The following PRKAR1B variants were observed in gnomAD, a reference collection of about 807,000 sequenced individuals.
The protein encoded by PRKAR1B is cAMP-dependent protein kinase type I-beta regulatory subunit.
PRKAR1B carries 22 observed loss-of-function variants against 46.5 expected under a neutral mutation model. That is an observed-to-expected ratio of 0.47 (90% CI 0.34 to 0.68). The LOEUF (loss-of-function observed/expected upper bound fraction) is 0.68, where lower values mean the gene tolerates loss of function less well. PRKAR1B is among the 30% of genes least tolerant of loss of function. The probability of loss-of-function intolerance (pLI) is 0.01; values close to 1 mark genes in which losing one functional copy is unlikely to be tolerated. For missense variants in PRKAR1B, 445 were observed against 535.6 expected (o/e 0.83, Z 1.67); for synonymous variants, 259 against 217.7 (o/e 1.19, Z -1.67).
At chr7:649,923 C>T (rs115036184) in intron 4 of PRKAR1B, among the ~76,000 whole-genome samples, 185 of 149,508 alleles carry the variant, frequency 1.2e-3, no homozygotes, top group Middle Eastern at 7.2e-3. Flanking sequence ...GCTATGTTCA[C>T]GTGATCCTCC....
intron 2 of PRKAR1B, chr7:691,672 C>T (rs1258269152): frequency 2.3e-6 from 3 of 1,292,258 alleles, no homozygotes; most frequent in African/African-American, 3.0e-5. Flanking sequence ...TGTTGGAAAC[C>T]CAGTGCTGTG....
At position 672,773 on chromosome 7, in the gene PRKAR1B, C is replaced by T. The variant is rs559598052; in HGVS notation, c.440+4456G>A. On this transcript the variant is annotated intron_variant, in intron 4 of 10. Coordinates refer to ENST00000537384, the MANE Select transcript of PRKAR1B (RefSeq NM_001164760.2). ...ATCCCAGCTACTTGGAAGGCTGAGGCAGGGGAATCGCTTGAACCCGGAGGC... is the reference window on the plus strand; with the variant it reads ...ATCCCAGCTACTTGGAAGGCTGAGGTAGGGGAATCGCTTGAACCCGGAGGC... Among the ~76,000 whole-genome samples the T allele has an allele frequency of 2.0e-4, 30 of 151,952 alleles. 1 individual carries two copies. The highest frequency in any genetic ancestry group is 7.2e-4 in the African/African-American group (30 of 41,422).
At chr7:680,139 C>A (rs1430801121) in intron 3 of PRKAR1B, among the ~76,000 whole-genome samples, 1 of 134,366 alleles carries the variant, frequency 7.4e-6, no homozygotes, top group African/African-American at 2.9e-5. Flanking sequence ...GCCTGGGGGA[C>A]GGAGCAAGAC....
chr7:691,006 C>T (rs1364428797), intron 2 of PRKAR1B, among the ~76,000 whole-genome samples: 5 of 152,160 alleles, frequency 3.3e-5, no homozygotes, highest in Non-Finnish European at 4.4e-5. Flanking sequence ...AAGGGTCCCG[C>T]GCCCACCCAC....
intron 5 of PRKAR1B, 50 bp downstream of exon 5, chr7:607,341 G>A (rs572749758): frequency 2.6e-6 from 4 of 1,542,880 alleles, no homozygotes; most frequent in Admixed American, 1.7e-5. Context: ...TAAGTGCATA[G>A]TCCATTTTTC....
chr7:620,549 A>G (rs1265090719), intron 4 of PRKAR1B, among the ~76,000 whole-genome samples: 1 of 151,844 alleles, frequency 6.6e-6, no homozygotes, highest in Non-Finnish European at 1.5e-5. Context: ...CTTCATTGTG[A>G]TGGGAAGGAA....
At chr7:556,273 C>A (rs1370755862) in intron 9 of PRKAR1B, among the ~76,000 whole-genome samples, 2 of 152,068 alleles carry the variant, frequency 1.3e-5, no homozygotes, top group Non-Finnish European at 1.5e-5. Context: ...ACGGAGGAAA[C>A]TTCTGGAAAC....
At chr7:726,833 TGGAGGCCGACAGCAAGCCGGGCC>T in intron 1 of PRKAR1B, 1 of 1,329,230 alleles carries the variant, frequency 7.5e-7, no homozygotes, top group South Asian at 2.0e-5. Context: ...CTGCCGGGGC[TGGAGGCCGACAGCAAGCCGGGCC>T]GGCGGCGCGC....
chr7:635,483 A>G (rs1783994494), intron 4 of PRKAR1B, among the ~76,000 whole-genome samples: 2 of 152,152 alleles, frequency 1.3e-5, no homozygotes, highest in Admixed American at 1.3e-4. Flanking sequence ...GAGCGTCCCC[A>G]ACACTGACTC....
chr7:604,994 C>A (rs113371176), intron 6 of PRKAR1B, among the ~76,000 whole-genome samples: 12,373 of 152,198 alleles, frequency 0.081, 1,596 homozygotes, highest in African/African-American at 0.28. Context: ...AGTCTGTGTG[C>A]AGAAAGGCCG....
intron 4 of PRKAR1B, among the ~76,000 whole-genome samples, chr7:650,614 C>T (rs932810452): frequency 6.6e-6 from 1 of 152,240 alleles, no homozygotes; most frequent in African/African-American, 2.4e-5. Context: ...CGTGGGGCAC[C>T]TGTGGAATGG....
chr7:721,922 G>T, intron 1 of PRKAR1B, among the ~76,000 whole-genome samples: 1 of 152,070 alleles, frequency 6.6e-6, no homozygotes, highest in Non-Finnish European at 1.5e-5. Context: ...CTCTAGGCAA[G>T]GCATTATTTC....
rs1449074779 is a variant in PRKAR1B at position 647,777 on chromosome 7, AGCCTGG to A, written c.440+29446_440+29451del. 3.6e-5 allele frequency among the ~76,000 whole-genome samples: 5 copies of A among 139,776 alleles called. No individual in the cohort carries two copies. The South Asian group carries it at 1.2e-3, about 35-fold the overall frequency. The allele number at this position is 139,776 out of a possible 152,430, so 91.7% of individuals were successfully genotyped here. ...AGCCGAGATCGCACCACTGCACTCC[AGCCTGG>A]GCAACAACGAGACTTCGTCTCCAAA... On this transcript the variant is annotated intron_variant, in intron 4 of 10. Transcript: ENST00000537384.
intron 4 of PRKAR1B, among the ~76,000 whole-genome samples, chr7:618,334 C>G (rs967602403): frequency 6.6e-6 from 1 of 152,198 alleles, no homozygotes; most frequent in Non-Finnish European, 1.5e-5. Context: ...ATATGGAGCA[C>G]TCAGTTCATG....
chr7:643,460 T>C (rs9770289), intron 4 of PRKAR1B, among the ~76,000 whole-genome samples: 5,473 of 151,490 alleles, frequency 0.036, 262 homozygotes, highest in African/African-American at 0.063. Flanking sequence ...CAGTGGCTCA[T>C]GCCTGTAATC....
intron 1 of PRKAR1B, among the ~76,000 whole-genome samples, chr7:719,539 G>C (rs574871016): frequency 6.6e-6 from 1 of 152,258 alleles, no homozygotes; most frequent in East Asian, 1.9e-4. Context: ...GGACGTGAAT[G>C]CCTGGCCTCA....
rs1311663838 is a variant in PRKAR1B at position 664,632 on chromosome 7, G to A, written c.440+12597C>T. 2.0e-5 allele frequency among the ~76,000 whole-genome samples: 3 copies of A among 152,194 alleles called. No individual in the cohort carries two copies. In the East Asian group the frequency reaches 5.8e-4, roughly 29 times the overall value. ...TTTCAAAATGTTACAGCAGCTGCTGGGTGTGGTGGCTCATGCCTGCAATCC... is the reference window on the plus strand; with the variant it reads ...TTTCAAAATGTTACAGCAGCTGCTGAGTGTGGTGGCTCATGCCTGCAATCC... On this transcript the variant is annotated intron_variant, in intron 4 of 10. Coordinates refer to ENST00000537384, the MANE Select transcript of PRKAR1B (RefSeq NM_001164760.2).
chr7:680,459 G>C, intron 3 of PRKAR1B, 97 bp downstream of exon 3: 1 of 1,225,452 alleles, frequency 8.2e-7, no homozygotes, highest in Non-Finnish European at 1.1e-6. Context: ...GAGACCCCCA[G>C]GAGGATGAGG....
intron 4 of PRKAR1B, among the ~76,000 whole-genome samples, chr7:650,753 G>A (rs549582347): frequency 1.3e-5 from 2 of 152,264 alleles, no homozygotes; most frequent in South Asian, 2.1e-4. Context: ...CAAAGGTCAC[G>A]TGGCCCACAG....
Sources: allele counts gnomAD v4.1 joint callset (sites outside exome capture counted in the v4.1 genomes callset), GRCh38; gene constraint gnomAD v4.1.1; transcripts MANE v1.5; gene names NCBI Gene and HGNC (gene_info 2026-07-23, HGNC 2026-07-21).